RUFY1: variants seen among roughly 807,000 people sequenced by gnomAD.
The protein encoded by RUFY1 is RUN and FYVE domain containing 1.
In RUFY1, 54 loss-of-function variants were observed where a neutral mutation model predicts 94.6. The observed-to-expected ratio is 0.57, with a 90% CI of 0.46 to 0.72. RUFY1 has a LOEUF of 0.72. Among genes scored for constraint, RUFY1 ranks in the 30% least tolerant of loss-of-function variants. The pLI, the probability that RUFY1 is intolerant of heterozygous loss-of-function variation, is 0.00. For missense variants in RUFY1, 883 were observed against 883.9 expected, an observed-to-expected ratio of 1.00 and a Z score of 0.01; for synonymous variants, 396 against 347.3, an observed-to-expected ratio of 1.14 and a Z score of -1.56.
intron 5 of RUFY1, among the ~76,000 whole-genome samples, chr5:179,570,042 C>T (rs558519691): frequency 1.5e-5 from 2 of 130,868 alleles, no homozygotes; most frequent in South Asian, 5.3e-4. Context: ...CTGCGCCCGG[C>T]CTGTATTTTT....
In RUFY1 at chr5:179,585,853, G is replaced by A; in HGVS notation, c.1014G>A (p.Lys338=). ...KIDGLEKTNS[K]LQEELSAATD... ...ATGGCTTGGAAAAGACTAACTCAAA[G>A]CTTCAAGAAGAGGTTTGTAAGTTTT... The change falls in exon 8 of 18, where the codon AAG becomes AAA. Residue 338 remains lysine (K), a synonymous_variant. Coordinates refer to ENST00000319449, the MANE Select transcript of RUFY1 (RefSeq NM_025158.5). The A allele has an allele frequency of 6.2e-7, 1 of 1,613,002 alleles. No individual in the cohort carries two copies. The highest frequency in any genetic ancestry group is 1.7e-5 in the Admixed American group (1 of 60,012).
At chr5:179,607,521 G>T in intron 16 of RUFY1, 61 bp from the exon 17 acceptor site, 1 of 1,409,792 alleles carries the variant, frequency 7.1e-7, no homozygotes, top group South Asian at 1.2e-5. Flanking sequence ...CCAGAACGCA[G>T]CTACCCACTC....
intron 2 of RUFY1, 71 bp downstream of exon 2, chr5:179,560,269 G>A (rs1762339585): frequency 6.5e-7 from 1 of 1,534,168 alleles, no homozygotes. Flanking sequence ...TTTCATCAGC[G>A]CCAGACATCC....
chr5:179,584,600 A>G (rs1764447555), intron 7 of RUFY1, among the ~76,000 whole-genome samples: 1 of 151,778 alleles, frequency 6.6e-6, no homozygotes, highest in Non-Finnish European at 1.5e-5. Context: ...TGGGTGACAT[A>G]GTGAAACCTC....
rs140114642 is a variant in RUFY1 at position 179,604,852 on chromosome 5, C to T, written c.1857-1024C>T. On this transcript the variant is annotated intron_variant, in intron 15 of 17. Transcript: ENST00000319449. Reference sequence around the variant, plus strand: ...CAAGAAAATAAGCTGGGTGTGGTGTCGGGCGCCTGTCATCCCAGCTACTTG... The same window carrying T: ...CAAGAAAATAAGCTGGGTGTGGTGTTGGGCGCCTGTCATCCCAGCTACTTG... Among the ~76,000 whole-genome samples, 240 of 151,400 alleles carry T rather than the reference C, an allele frequency of 1.6e-3. 2 individuals carry two copies. Among genetic ancestry groups the T allele is most frequent in the African/African-American group, 5.3e-3 (220 of 41,198 alleles).
At chr5:179,583,312 A>G (rs1209462433) in intron 7 of RUFY1, among the ~76,000 whole-genome samples, 2 of 151,784 alleles carry the variant, frequency 1.3e-5, no homozygotes, top group Admixed American at 6.6e-5. Context: ...AAAAAAATTT[A>G]TGAAGCTGAA....
chr5:179,557,261 T>G (rs1301245351), intron 1 of RUFY1, among the ~76,000 whole-genome samples: 1 of 152,052 alleles, frequency 6.6e-6, no homozygotes, highest in African/African-American at 2.4e-5. Context: ...AAACCCCGTC[T>G]CTACTAAAAA....
Position 179,569,282 on chromosome 5 carries a change from G to A in RUFY1, c.705-20G>A. ...TGAAGCTGTTTCTGAGCATCGCCCT[G>A]TCCTGTCCATCTCTTTCAGCGAGTT... is the stretch of plus-strand genomic sequence containing the variant. On this transcript the variant is annotated intron_variant, in intron 4 of 17. Coordinates refer to ENST00000319449, the MANE Select transcript of RUFY1 (RefSeq NM_025158.5). 6.2e-7 allele frequency: 1 copy of A among 1,613,794 alleles called. No homozygotes were observed. The highest frequency in any genetic ancestry group is 8.5e-7 in the Non-Finnish European group (1 of 1,179,924).
chr5:179,567,706 C>T (rs1762933804), intron 4 of RUFY1, 144 bp downstream of exon 4: 1 of 577,526 alleles, frequency 1.7e-6, no homozygotes, highest in Non-Finnish European at 3.1e-6. Flanking sequence ...TCAAGACCAG[C>T]CTGGCCAACA....
rs1213751399 is a variant in RUFY1, at chr5:179,598,581, G to A, written c.1632-111G>A. ...GGAAGCGTTGCCGAAGGCTTTAGAT[G>A]CTCAAGAGGCAATTCAGAGACTTCC... On this transcript the variant is annotated intron_variant, in intron 13 of 17. Transcript: ENST00000319449. The A allele has an allele frequency of 4.7e-6, 6 of 1,271,936 alleles. No individual in the cohort carries two copies. In the African/African-American group the frequency reaches 8.9e-5, roughly 19 times the overall value. 78.8% of individuals were successfully genotyped at this position (1,271,936 alleles called of 1,614,324 possible).
At chr5:179,607,359 G>A in intron 16 of RUFY1, 4 of 568,550 alleles carry the variant, frequency 7.0e-6, no homozygotes, top group South Asian at 4.1e-5. Flanking sequence ...AGCCTGCAGA[G>A]GCCAAGAGGT....
chr5:179,559,098 G>GT (rs1461320480), intron 1 of RUFY1, among the ~76,000 whole-genome samples: 1 of 151,866 alleles, frequency 6.6e-6, no homozygotes, highest in East Asian at 1.9e-4. Flanking sequence ...CCAAGACAAT[G>GT]TAAACGCGCG....
chr5:179,604,416 T>C (rs146123856), intron 15 of RUFY1, among the ~76,000 whole-genome samples: 66 of 152,340 alleles, frequency 4.3e-4, no homozygotes, highest in Non-Finnish European at 8.2e-4. Context: ...GTTTGCCTTG[T>C]TGACCTGGCT....
In RUFY1 at chr5:179,596,538, C is replaced by A; in HGVS notation, c.1512-24C>A. The A allele has an allele frequency of 2.5e-6, 4 of 1,613,660 alleles. No individual in the cohort carries two copies. In the South Asian group the frequency reaches 4.4e-5, roughly 18 times the overall value. On this transcript the variant is annotated intron_variant, in intron 12 of 17. Coordinates refer to ENST00000319449, the MANE Select transcript of RUFY1 (RefSeq NM_025158.5). The stretch of plus-strand genomic sequence containing the variant: ...TCCTTACAAAGATTTGCTTCATTTG[C>A]ACTCTTGCTGGTGTCGCATCCAGGT...
At chr5:179,608,910 G>A (rs1328154159) in intron 17 of RUFY1, among the ~76,000 whole-genome samples, 13 of 120,978 alleles carry the variant, frequency 1.1e-4, no homozygotes, top group East Asian at 7.5e-4. Context: ...CAGCCTGGGC[G>A]ACAGAGACTC....
At chr5:179,575,528 T>C (rs907109433) in intron 5 of RUFY1, among the ~76,000 whole-genome samples, 1 of 152,154 alleles carries the variant, frequency 6.6e-6, no homozygotes, top group Non-Finnish European at 1.5e-5. Flanking sequence ...GGAAGCTGTA[T>C]TGCCCTTTTT....
At chr5:179,608,920 CAAAAAA>C (rs57127812) in intron 17 of RUFY1, among the ~76,000 whole-genome samples, 6 of 121,796 alleles carry the variant, frequency 4.9e-5, no homozygotes, top group African/African-American at 9.3e-5. Flanking sequence ...GACAGAGACT[CAAAAAA>C]AAAAAAAAAA....
At chr5:179,560,274 A>G in intron 2 of RUFY1, 76 bp downstream of exon 2, 3 of 1,518,482 alleles carry the variant, frequency 2.0e-6, no homozygotes, top group East Asian at 2.4e-5. Flanking sequence ...TCAGCGCCAG[A>G]CATCCTTCTA....
intron 17 of RUFY1, 26 bp from the exon 18 acceptor site, chr5:179,609,350 G>A: frequency 6.2e-7 from 1 of 1,609,852 alleles, no homozygotes. Flanking sequence ...CGGGTGTCCT[G>A]TGACCGCCTT....
Sources: allele counts gnomAD v4.1 joint callset (sites outside exome capture counted in the v4.1 genomes callset), GRCh38; gene constraint gnomAD v4.1.1; transcripts MANE v1.5; gene names NCBI Gene and HGNC (gene_info 2026-07-23, HGNC 2026-07-21).